ATOSA: variants seen among roughly 807,000 people sequenced by gnomAD.
ATOSA encodes atos homolog A.
the ATOSA span, among the ~76,000 whole-genome samples, chr15:52,687,315 A>G: frequency 4.6e-5 from 7 of 152,200 alleles, no homozygotes; most frequent in African/African-American, 1.4e-4. Context: ...TGAGGCAGGA[A>G]AATGGCGTGA....
the ATOSA span, among the ~76,000 whole-genome samples, chr15:52,645,460 AAAT>A: frequency 6.6e-6 from 1 of 151,846 alleles, no homozygotes; most frequent in Non-Finnish European, 1.5e-5. Context: ...ATAAATAAAT[AAAT>A]AATTTTTTAA....
At chr15:52,647,479 C>T in the ATOSA span, among the ~76,000 whole-genome samples, 1 of 152,178 alleles carries the variant, frequency 6.6e-6, no homozygotes, top group Non-Finnish European at 1.5e-5. Flanking sequence ...TTTAATATTT[C>T]AAGACAATTA....
At chr15:52,650,465 T>C in the ATOSA span, among the ~76,000 whole-genome samples, 1 of 152,208 alleles carries the variant, frequency 6.6e-6, no homozygotes, top group Non-Finnish European at 1.5e-5. Context: ...GACTATTTTG[T>C]AAATTTTCAC....
At chr15:52,612,686 G>A in the ATOSA span, among the ~76,000 whole-genome samples, 2 of 151,650 alleles carry the variant, frequency 1.3e-5, no homozygotes, top group Non-Finnish European at 2.9e-5. Context: ...TGTATTTTTA[G>A]TAGAGATGAG....
chr15:52,686,978 A>C, the ATOSA span, among the ~76,000 whole-genome samples: 1 of 152,242 alleles, frequency 6.6e-6, no homozygotes, highest in Admixed American at 6.5e-5. Flanking sequence ...TGTATAATAT[A>C]AGTTTAATTC....
chr15:52,624,159 A>T, the ATOSA span, among the ~76,000 whole-genome samples: 1 of 152,210 alleles, frequency 6.6e-6, no homozygotes, highest in African/African-American at 2.4e-5. Context: ...CTCCTTATCC[A>T]TCTTGAATCC....
At chr15:52,690,787 G>A in the ATOSA span, among the ~76,000 whole-genome samples, 32 of 152,280 alleles carry the variant, frequency 2.1e-4, no homozygotes, top group South Asian at 1.4e-3. Context: ...CTCATCCTGA[G>A]TAAAAGATAA....
At chr15:52,704,763 T>C in the ATOSA span, among the ~76,000 whole-genome samples, 1 of 152,180 alleles carries the variant, frequency 6.6e-6, no homozygotes, top group Admixed American at 6.5e-5. Flanking sequence ...AAAATGGTCA[T>C]CACTGGTCCT....
the ATOSA span, among the ~76,000 whole-genome samples, chr15:52,631,162 A>G: frequency 6.6e-6 from 1 of 152,224 alleles, no homozygotes; most frequent in African/African-American, 2.4e-5. Context: ...TCATAATTTT[A>G]AAAAATTCAC....
At chr15:52,655,741 G>A in the ATOSA span, among the ~76,000 whole-genome samples, 1 of 152,026 alleles carries the variant, frequency 6.6e-6, no homozygotes, top group Non-Finnish European at 1.5e-5. Context: ...GTGTAAACAC[G>A]CTTGTACAAA....
At chr15:52,663,899 TGA>T in the ATOSA span, among the ~76,000 whole-genome samples, 205 of 152,222 alleles carry the variant, frequency 1.3e-3, 1 homozygote, top group African/African-American at 4.4e-3. Context: ...CTTTCCTTAG[TGA>T]GATATCAAAA....
the ATOSA span, among the ~76,000 whole-genome samples, chr15:52,672,644 A>T: frequency 6.6e-6 from 1 of 152,140 alleles, no homozygotes; most frequent in Non-Finnish European, 1.5e-5. Flanking sequence ...TTTAACAACT[A>T]ATTTTTTTCT....
At chr15:52,659,947 A>C in the ATOSA span, among the ~76,000 whole-genome samples, 29 of 152,244 alleles carry the variant, frequency 1.9e-4, no homozygotes, top group African/African-American at 6.3e-4. Context: ...AGGATTGGAC[A>C]CAGGACAACA....
the ATOSA span, among the ~76,000 whole-genome samples, chr15:52,619,007 A>G: frequency 2.6e-5 from 4 of 152,244 alleles, no homozygotes; most frequent in African/African-American, 9.6e-5. Context: ...GAAAAATTTG[A>G]AACAAAAGAT....
chr15:52,595,221 T>C, the ATOSA span, among the ~76,000 whole-genome samples: 1 of 152,242 alleles, frequency 6.6e-6, no homozygotes, highest in East Asian at 1.9e-4. Context: ...CAATGCTAAT[T>C]ACTTGAGTTT....
chr15:52,678,077 A>G, the ATOSA span: 4 of 1,607,230 alleles, frequency 2.5e-6, no homozygotes, highest in Non-Finnish European at 3.4e-6. Flanking sequence ...GGTTCTTTCA[A>G]CAGGCTCGCC....
chr15:52,625,386 ATTAG>A, the ATOSA span, among the ~76,000 whole-genome samples: 4 of 152,146 alleles, frequency 2.6e-5, no homozygotes, highest in African/African-American at 9.7e-5. Flanking sequence ...TTATTTTATT[ATTAG>A]TTATACATAA....
the ATOSA span, among the ~76,000 whole-genome samples, chr15:52,675,342 T>C: frequency 6.6e-5 from 10 of 152,116 alleles, no homozygotes; most frequent in Non-Finnish European, 1.5e-4. Context: ...AATTGACCAA[T>C]GCTCCCCACA....
the ATOSA span, among the ~76,000 whole-genome samples, chr15:52,669,944 C>G: frequency 6.6e-6 from 1 of 152,220 alleles, no homozygotes; most frequent in Non-Finnish European, 1.5e-5. Flanking sequence ...TCTCACCACT[C>G]TATTTTCCAT....
Sources: allele counts gnomAD v4.1 joint callset (sites outside exome capture counted in the v4.1 genomes callset), GRCh38; gene constraint gnomAD v4.1.1; transcripts MANE v1.5; gene names NCBI Gene and HGNC (gene_info 2026-07-23, HGNC 2026-07-21).